Variants in MAP3K4 observed in about 807,000 individuals in gnomAD.
The protein encoded by MAP3K4 is mitogen-activated protein kinase kinase kinase 4, also known as MAP three kinase 1.
MAP3K4 carries 67 observed loss-of-function variants against 185.6 expected under a neutral mutation model. The observed-to-expected ratio is 0.36, with a 90% CI of 0.30 to 0.44. MAP3K4 has a LOEUF of 0.44. MAP3K4 is among the 20% of genes least tolerant of loss of function. The pLI is 1.00. For synonymous variants in MAP3K4, 702 were observed against 710.4 expected (o/e 0.99, Z 0.19); for missense variants, 1,551 against 1,995.1 (o/e 0.78, Z 4.24).
intron 2 of MAP3K4, among the ~76,000 whole-genome samples, chr6:161,039,846 T>C (rs1783365357): frequency 6.6e-6 from 1 of 152,248 alleles, no homozygotes; most frequent in Non-Finnish European, 1.5e-5. Flanking sequence ...GCCATTGTTC[T>C]GTGTAAGGAC....
rs1785844844 is a variant in MAP3K4, at chr6:161,088,332, A to T, written c.2823+378A>T. On this transcript the variant is annotated intron_variant, in intron 10 of 26. Coordinates refer to ENST00000392142, the MANE Select transcript of MAP3K4 (RefSeq NM_005922.4). The surrounding 1 kb of genome is among the most constrained non-coding windows in gnomAD (Gnocchi z 4.5). Reference sequence around the variant, plus strand: ...TGGTTATTTAATTTTAATTTTTTGTAGTGAAGGCTATCCCCTCCCTACCTA... The same window carrying T: ...TGGTTATTTAATTTTAATTTTTTGTTGTGAAGGCTATCCCCTCCCTACCTA... Among the ~76,000 whole-genome samples the T allele has an allele frequency of 2.0e-5, 3 of 152,150 alleles. No homozygotes were observed. In the South Asian group the frequency reaches 6.2e-4, roughly 32 times the overall value.
Position 161,076,712 on chromosome 6 carries a change from A to T in MAP3K4, c.2097+3100A>T, listed in dbSNP as rs1305923803. On this transcript the variant is annotated intron_variant, in intron 5 of 26. Coordinates refer to ENST00000392142, the MANE Select transcript of MAP3K4 (RefSeq NM_005922.4). The surrounding 1 kb of genome is among the most constrained non-coding windows in gnomAD (Gnocchi z 4.2). ...GTGGTAGTTGTAGAAGAGACACAAG[A>T]GAGCTCACATGTACACAATTTGAGT... Among the ~76,000 whole-genome samples, 1 of 152,246 alleles carries T rather than the reference A, an allele frequency of 6.6e-6. No homozygotes were observed. Among genetic ancestry groups the T allele is most frequent in the African/African-American group, 2.4e-5 (1 of 41,472 alleles).
intron 1 of MAP3K4, among the ~76,000 whole-genome samples, chr6:161,009,630 C>T (rs903616014): frequency 6.6e-6 from 1 of 151,966 alleles, no homozygotes. Context: ...TTCATTTATC[C>T]ATTCATCCAT....
Position 161,084,381 on chromosome 6 carries a change from C to G in MAP3K4, c.2256-120C>G, listed in dbSNP as rs910647517. 81 of 602,440 alleles carry G rather than the reference C, an allele frequency of 1.3e-4. 2 individuals are homozygous for G. The highest frequency in any genetic ancestry group is 6.0e-4 in the South Asian group (27 of 44,792). The allele number at this position is 602,440 out of a possible 1,614,324, so 37.3% of individuals were successfully genotyped here. ...TTATATTAAAAGAAGAGAAATTTTT[C>G]ATTTTTGATTTTTAAACCATTAGAG... On this transcript the variant is annotated intron_variant, in intron 6 of 26. Coordinates refer to ENST00000392142, the MANE Select transcript of MAP3K4 (RefSeq NM_005922.4). The surrounding 1 kb of genome is among the most constrained non-coding windows in gnomAD (Gnocchi z 4.6).
Position 161,091,524 on chromosome 6 carries a change from A to G in MAP3K4, c.3119A>G (p.Tyr1040Cys), listed in dbSNP as rs771216572. The change falls in exon 12 of 27, where the codon TAC becomes TGC. Residue 1040 changes from tyrosine to cysteine, a missense_variant. Coordinates refer to ENST00000392142, the MANE Select transcript of MAP3K4 (RefSeq NM_005922.4). The surrounding 1 kb of genome is among the most constrained non-coding windows in gnomAD (Gnocchi z 5.5). The stretch of plus-strand genomic sequence containing the variant: ...TACCGAGAAGCAATGATTCAGGGGT[A>G]CAATTTTGGATTTGAGGTAGGTTCA... ...QYYREAMIQGYNFGFEYHKEV... is the reference protein window; with the variant it reads ...QYYREAMIQGCNFGFEYHKEV... 3 of 1,611,678 alleles carry G rather than the reference A, an allele frequency of 1.9e-6. No individual in the cohort carries two copies. Among genetic ancestry groups the G allele is most frequent in the Non-Finnish European group, 2.5e-6 (3 of 1,179,248 alleles).
intron 1 of MAP3K4, among the ~76,000 whole-genome samples, chr6:160,994,711 T>G (rs1221711373): frequency 2.0e-5 from 3 of 151,976 alleles, no homozygotes; most frequent in Non-Finnish European, 4.4e-5. Context: ...GTTTTTTTAG[T>G]TTTTTTTGAG....
intron 1 of MAP3K4, among the ~76,000 whole-genome samples, chr6:161,003,512 C>CA (rs1414984268): frequency 1.3e-5 from 2 of 152,116 alleles, no homozygotes; most frequent in East Asian, 3.9e-4. Context: ...GGTATCTTCT[C>CA]AAAGTTGTTT....
At chr6:161,068,774 G>T (rs924261600) in intron 3 of MAP3K4, among the ~76,000 whole-genome samples, 5 of 152,188 alleles carry the variant, frequency 3.3e-5, no homozygotes, top group Non-Finnish European at 7.3e-5. Context: ...GAAAAGTGTG[G>T]AAGGCCATGA....
chr6:161,103,459 G>T lies in MAP3K4; in HGVS notation c.3856+680G>T, dbSNP rs1777920555. On this transcript the variant is annotated intron_variant, in intron 19 of 26. Transcript: ENST00000392142. This position sits in a 1 kb window ranked among gnomAD's most constrained non-coding sequence, Gnocchi z 4.6. ...GGATTTTGTGGAGGGAGGAGACTGG[G>T]CTGGCCCTTTGAAGGGATGGCAGGT... Among the ~76,000 whole-genome samples, 1 of 152,208 alleles carries T rather than the reference G, an allele frequency of 6.6e-6. No individual in the cohort carries two copies. Among genetic ancestry groups the T allele is most frequent in the South Asian group, 2.1e-4 (1 of 4,834 alleles).
At chr6:161,025,010 T>C (rs1220698516) in intron 1 of MAP3K4, among the ~76,000 whole-genome samples, 1 of 147,188 alleles carries the variant, frequency 6.8e-6, no homozygotes, top group Non-Finnish European at 1.5e-5. Context: ...CATCCATCCA[T>C]CCATCCACCC....
intron 1 of MAP3K4, among the ~76,000 whole-genome samples, chr6:161,013,914 G>A (rs934365549): frequency 1.3e-5 from 2 of 152,202 alleles, no homozygotes; most frequent in Non-Finnish European, 2.9e-5. Flanking sequence ...ACTGGTGGGC[G>A]TGTCTTATGG....
intron 23 of MAP3K4, among the ~76,000 whole-genome samples, chr6:161,111,164 C>G (rs1778331632): frequency 6.6e-6 from 1 of 152,196 alleles, no homozygotes; most frequent in Non-Finnish European, 1.5e-5. Flanking sequence ...GGCTGCTTGT[C>G]TAACTCCATT....
At chr6:160,997,303 G>A (rs1781044313) in intron 1 of MAP3K4, among the ~76,000 whole-genome samples, 1 of 152,092 alleles carries the variant, frequency 6.6e-6, no homozygotes. Flanking sequence ...TCAGAACAAT[G>A]TGGCAAAGAT....
intron 17 of MAP3K4, among the ~76,000 whole-genome samples, chr6:161,099,284 A>C (rs1373348332): frequency 6.6e-6 from 1 of 152,230 alleles, no homozygotes; most frequent in Non-Finnish European, 1.5e-5. Flanking sequence ...AGTTAACAGG[A>C]AGATGATGCC....
Position 161,073,522 on chromosome 6 carries a change from C to T in MAP3K4, c.2007C>T (p.Tyr669=), listed in dbSNP as rs1384557047. Residue 669 remains tyrosine, a synonymous_variant, in exon 5 of 27, where the codon TAC becomes TAT. Transcript: ENST00000392142. The surrounding 1 kb of genome is among the most constrained non-coding windows in gnomAD (Gnocchi z 4.2). ...LKGGLLMKQY[Y]QFMLQEVLED... is the part of the protein sequence containing the mutation. ...GCGGCCTGCTGATGAAGCAGTACTA[C>T]CAGTTCATGCTGCAGGAGGTTCTGG... 7 of 1,613,834 alleles carry T rather than the reference C, an allele frequency of 4.3e-6. No individual in the cohort carries two copies. Among genetic ancestry groups the T allele is most frequent in the Non-Finnish European group, 8.5e-7 (1 of 1,179,856 alleles).
In MAP3K4 at chr6:161,084,623, A is replaced by T; in HGVS notation, c.2372+6A>T. 2 of 1,499,978 alleles carry T rather than the reference A, an allele frequency of 1.3e-6. No individual in the cohort carries two copies. Among genetic ancestry groups the T allele is most frequent in the Non-Finnish European group, 1.9e-6 (2 of 1,076,042 alleles). The allele number at this position is 1,499,978 out of a possible 1,614,324, so 92.9% of individuals were successfully genotyped here. On this transcript the variant is annotated splice_donor_region_variant and intron_variant, in intron 7 of 26. Transcript: ENST00000392142. This position sits in a 1 kb window ranked among gnomAD's most constrained non-coding sequence, Gnocchi z 4.6. ...AGTGCTTCCGACGAAATCAGGTTGG[A>T]GTTGTGCTTCCTTTCCCCTTCCACT...
chr6:161,084,706 C>A lies in MAP3K4; in HGVS notation c.2372+89C>A. The A allele has an allele frequency of 2.8e-6, 2 of 720,110 alleles. No homozygotes were observed. Among genetic ancestry groups the A allele is most frequent in the African/African-American group, 1.7e-5 (1 of 57,196 alleles). 44.6% of individuals were successfully genotyped at this position (720,110 alleles called of 1,614,324 possible). ...ATCCTAGAAGGAGCCTTGTTCAAAC[C>A]AAATTGTGTTGGCCTGGAAGAATTT... On this transcript the variant is annotated intron_variant, in intron 7 of 26. Coordinates refer to ENST00000392142, the MANE Select transcript of MAP3K4 (RefSeq NM_005922.4). This position sits in a 1 kb window ranked among gnomAD's most constrained non-coding sequence, Gnocchi z 4.6.
chr6:161,109,082 C>A lies in MAP3K4; in HGVS notation c.4236+223C>A. On this transcript the variant is annotated intron_variant, in intron 22 of 26. Transcript: ENST00000392142. The surrounding 1 kb of genome is among the most constrained non-coding windows in gnomAD (Gnocchi z 5.7). Reference sequence around the variant, plus strand: ...TAGTCATTAACCCGACATCATAAAGCACTGAAACCCATCCTGCCATTCAGA... The same window carrying A: ...TAGTCATTAACCCGACATCATAAAGAACTGAAACCCATCCTGCCATTCAGA... 7.7e-7 allele frequency: 1 copy of A among 1,300,546 alleles called. No individual in the cohort carries two copies. Among genetic ancestry groups the A allele is most frequent in the Non-Finnish European group, 1.1e-6 (1 of 937,370 alleles). 80.6% of individuals were successfully genotyped at this position (1,300,546 alleles called of 1,614,324 possible).
At chr6:161,024,491 G>A (rs1424845052) in intron 1 of MAP3K4, among the ~76,000 whole-genome samples, 2 of 152,142 alleles carry the variant, frequency 1.3e-5, no homozygotes, top group Non-Finnish European at 2.9e-5. Context: ...ATCCCATCCA[G>A]GGACCACATT....
Sources: gnomAD v4.1 joint callset for allele counts (sites outside exome capture counted in the v4.1 genomes callset) on GRCh38, gnomAD v4.1.1 for gene constraint, Gnocchi (gnomAD v3.1) non-coding constraint, MANE v1.5 for transcripts, NCBI Gene and HGNC (gene_info 2026-07-23, HGNC 2026-07-21) for gene names.